CORIN: variants seen among roughly 807,000 people sequenced by gnomAD.
CORIN encodes corin, serine peptidase, also known as atrial natriuretic peptide-converting enzyme.
In CORIN, 117 loss-of-function variants were observed where a neutral mutation model predicts 125.3. That is an observed-to-expected ratio of 0.93 (90% CI 0.80 to 1.09). The LOEUF (loss-of-function observed/expected upper bound fraction) is 1.09, where lower values mean the gene tolerates loss of function less well. CORIN is among the 50% of genes least tolerant of loss of function. CORIN has a pLI of 0.00. For missense variants in CORIN, 1,253 were observed against 1,306.7 expected, an observed-to-expected ratio of 0.96 and a Z score of 0.63; for synonymous variants, 450 against 466.4, an observed-to-expected ratio of 0.96 and a Z score of 0.45.
chr4:47,708,005 G>C (rs943164953), intron 5 of CORIN, among the ~76,000 whole-genome samples: 3 of 152,222 alleles, frequency 2.0e-5, no homozygotes, highest in African/African-American at 7.2e-5. Context: ...TCGTTGACTA[G>C]AGGATGAAAC....
At chr4:47,801,670 G>T (rs1044612723) in intron 2 of CORIN, among the ~76,000 whole-genome samples, 2 of 152,232 alleles carry the variant, frequency 1.3e-5, no homozygotes, top group Non-Finnish European at 2.9e-5. Context: ...GCTCAGTGCT[G>T]CCCTGTCACA....
At chr4:47,682,077 G>C (rs1725309519) in intron 7 of CORIN, 1 of 152,190 alleles carries the variant, frequency 6.6e-6, no homozygotes, top group South Asian at 2.1e-4. Flanking sequence ...CTCATATGCA[G>C]AGTTGATCTC....
intron 19 of CORIN, among the ~76,000 whole-genome samples, chr4:47,609,669 C>T (rs935690781): frequency 3.9e-5 from 6 of 152,094 alleles, no homozygotes; most frequent in Non-Finnish European, 7.4e-5. Flanking sequence ...TAAACGTGTG[C>T]CGTGGTGGTT....
intron 1 of CORIN, among the ~76,000 whole-genome samples, chr4:47,815,734 T>G (rs1031134644): frequency 1.3e-5 from 2 of 152,102 alleles, no homozygotes; most frequent in African/African-American, 4.8e-5. Context: ...TTTAAAACAA[T>G]AGAGAATACG....
intron 6 of CORIN, among the ~76,000 whole-genome samples, chr4:47,687,859 C>A (rs1371129482): frequency 1.3e-5 from 2 of 152,182 alleles, no homozygotes; most frequent in Admixed American, 1.3e-4. Flanking sequence ...GGCTTCTTGA[C>A]TCTCTGAGTT....
chr4:47,785,704 G>A (rs906740153), intron 3 of CORIN, among the ~76,000 whole-genome samples: 9 of 151,876 alleles, frequency 5.9e-5, no homozygotes, highest in African/African-American at 2.2e-4. Flanking sequence ...ATGAGGTTAG[G>A]AGTTCAAGAC....
chr4:47,796,708 A>C (rs1161074110), intron 2 of CORIN, among the ~76,000 whole-genome samples: 1 of 152,062 alleles, frequency 6.6e-6, no homozygotes, highest in Non-Finnish European at 1.5e-5. Flanking sequence ...TGATACATTA[A>C]ATATGTGCAG....
chr4:47,662,838 C>T (rs755742817), intron 11 of CORIN, among the ~76,000 whole-genome samples: 6 of 152,104 alleles, frequency 3.9e-5, no homozygotes, highest in Admixed American at 6.6e-5. Flanking sequence ...GAGGAAATTT[C>T]GGAGAAAGTT....
chr4:47,642,773 G>C (rs535742810), intron 15 of CORIN: 1 of 1,286,754 alleles, frequency 7.8e-7, no homozygotes, highest in African/African-American at 1.5e-5. Flanking sequence ...AGGGAAGGCA[G>C]AGGGGCCACT....
intron 12 of CORIN, among the ~76,000 whole-genome samples, chr4:47,655,370 C>A (rs1256993414): frequency 6.6e-6 from 1 of 152,166 alleles, no homozygotes; most frequent in East Asian, 1.9e-4. Context: ...CAAGTGAATT[C>A]TTGGGGTCTC....
intron 5 of CORIN, among the ~76,000 whole-genome samples, chr4:47,740,306 G>A (rs917348568): frequency 7.2e-5 from 11 of 151,896 alleles, no homozygotes; most frequent in East Asian, 1.9e-4. Flanking sequence ...TTGGTTTATC[G>A]TGCTTTGTAA....
Position 47,661,742 on chromosome 4 carries a change from T to A in CORIN, c.1704A>T (p.Gln568His). ...SQFPEENSDN[Q>H]TCLMPDEYVE... Reference sequence around the variant, plus strand: ...CATATTCATCAGGCATCAGGCAGGTTTGATTGTCTGAATTTTCCTCTGGAA... The same window carrying A: ...CATATTCATCAGGCATCAGGCAGGTATGATTGTCTGAATTTTCCTCTGGAA... The change falls in exon 12 of 22, where the codon CAA becomes CAT. Residue 568 changes from glutamine (Q) to histidine (H), a missense_variant. Transcript: ENST00000273857. 2 of 1,613,518 alleles carry A rather than the reference T, an allele frequency of 1.2e-6. No homozygotes were observed. Among genetic ancestry groups the A allele is most frequent in the Non-Finnish European group, 1.7e-6 (2 of 1,179,632 alleles).
intron 5 of CORIN, among the ~76,000 whole-genome samples, chr4:47,733,147 A>G (rs1212366913): frequency 1.3e-5 from 2 of 149,944 alleles, no homozygotes; most frequent in African/African-American, 2.5e-5. Flanking sequence ...GCTTCTCTCA[A>G]ATAAAGAAGT....
At chr4:47,654,979 A>G (rs1374594410) in intron 12 of CORIN, among the ~76,000 whole-genome samples, 1 of 151,884 alleles carries the variant, frequency 6.6e-6, no homozygotes, top group Non-Finnish European at 1.5e-5. Flanking sequence ...ATATCAGCTT[A>G]GCCACAGTAG....
At chr4:47,762,564 T>C (rs1729518013) in intron 4 of CORIN, among the ~76,000 whole-genome samples, 1 of 152,234 alleles carries the variant, frequency 6.6e-6, no homozygotes, top group Admixed American at 6.5e-5. Context: ...TCTCTCTGTG[T>C]CTACACTTTG....
chr4:47,631,211 C>T (rs1253642397), intron 16 of CORIN, among the ~76,000 whole-genome samples: 1 of 152,182 alleles, frequency 6.6e-6, no homozygotes, highest in Admixed American at 6.5e-5. Context: ...ATAATGTCTA[C>T]AGACATTCCA....
intron 13 of CORIN, among the ~76,000 whole-genome samples, chr4:47,649,269 C>G (rs1341414946): frequency 6.6e-6 from 1 of 152,178 alleles, no homozygotes; most frequent in Admixed American, 6.5e-5. Flanking sequence ...AGAGAACATC[C>G]AACCCAAAAC....
chr4:47,788,199 T>C (rs1022846889), intron 2 of CORIN, among the ~76,000 whole-genome samples: 6 of 152,160 alleles, frequency 3.9e-5, no homozygotes, highest in Non-Finnish European at 5.9e-5. Context: ...CAGTGAATGC[T>C]CTAATTGGCT....
chr4:47,802,542 G>A (rs1233917691), intron 2 of CORIN, among the ~76,000 whole-genome samples: 1 of 152,200 alleles, frequency 6.6e-6, no homozygotes, highest in Non-Finnish European at 1.5e-5. Context: ...GAAATGGGAG[G>A]GAAGAGTGGG....
Sources: gnomAD v4.1 joint callset for allele counts (sites outside exome capture counted in the v4.1 genomes callset) on GRCh38, gnomAD v4.1.1 for gene constraint, MANE v1.5 for transcripts, NCBI Gene and HGNC (gene_info 2026-07-23, HGNC 2026-07-21) for gene names.